The following UGT1A8 variants were observed in gnomAD, a reference collection of about 807,000 sequenced individuals.
The protein encoded by UGT1A8 is UDP-glucuronosyltransferase 1A8.
A neutral mutation model predicts 45.3 loss-of-function variants in UGT1A8; 39 were observed. That is an observed-to-expected ratio of 0.86 (90% CI 0.67 to 1.12). The LOEUF is 1.12. UGT1A8 is among the 50% of genes most tolerant of loss of function. The pLI, the probability that UGT1A8 is intolerant of heterozygous loss-of-function variation, is 0.00. For missense variants in UGT1A8, 719 were observed against 664.9 expected, an observed-to-expected ratio of 1.08 and a Z score of -0.90; for synonymous variants, 275 against 249.2, an observed-to-expected ratio of 1.10 and a Z score of -0.97.
intron 1 of UGT1A8, among the ~76,000 whole-genome samples, chr2:233,630,948 C>T (rs912773923): frequency 6.6e-6 from 1 of 151,422 alleles, no homozygotes; most frequent in Non-Finnish European, 1.5e-5. Flanking sequence ...ATTCCTTCAT[C>T]TACATTAGGT....
At chr2:233,638,285 GA>G (rs1379777626) in intron 1 of UGT1A8, among the ~76,000 whole-genome samples, 1 of 152,004 alleles carries the variant, frequency 6.6e-6, no homozygotes, top group Non-Finnish European at 1.5e-5. Flanking sequence ...TATTACTTTA[GA>G]AACTATTTTG....
intron 1 of UGT1A8, among the ~76,000 whole-genome samples, chr2:233,629,867 T>C (rs2073155619): frequency 6.6e-6 from 1 of 152,156 alleles, no homozygotes; most frequent in South Asian, 2.1e-4. Context: ...TTTGTGTCTT[T>C]AACAAAATGT....
chr2:233,752,703 T>C (rs538720487), intron 1 of UGT1A8, among the ~76,000 whole-genome samples: 5 of 152,298 alleles, frequency 3.3e-5, no homozygotes, highest in African/African-American at 7.2e-5. Context: ...TAGTGGGGTA[T>C]GATCTTGCCT....
At chr2:233,739,373 G>T (rs1209050153) in intron 1 of UGT1A8, among the ~76,000 whole-genome samples, 1 of 152,200 alleles carries the variant, frequency 6.6e-6, no homozygotes, top group Non-Finnish European at 1.5e-5. Flanking sequence ...CTTGCACTGT[G>T]TGCCTGGAAG....
chr2:233,691,024 G>A (rs2075025433), intron 1 of UGT1A8: 1 of 991,326 alleles, frequency 1.0e-6, no homozygotes, highest in African/African-American at 1.7e-5. Flanking sequence ...TGGTTGGAAG[G>A]GCTCAGACCA....
chr2:233,660,656 C>T (rs1033500872), intron 1 of UGT1A8, among the ~76,000 whole-genome samples: 2 of 152,130 alleles, frequency 1.3e-5, no homozygotes, highest in African/African-American at 4.8e-5. Flanking sequence ...ACTGTATTTG[C>T]ATAAGACGAC....
rs1173929998 is a variant in UGT1A8, at chr2:233,772,412, G to A, written c.1446G>A (p.Gln482=). The change falls in exon 5 of 5, where the codon CAG becomes CAA. Residue 482 remains glutamine (Q), a synonymous_variant. Transcript: ENST00000373450. The part of the protein sequence containing the change: ...RPAAHDLTWY[Q]YHSLDVIGFL... Reference sequence around the variant, plus strand: ...CAGCCCACGACCTCACCTGGTACCAGTACCATTCCTTGGACGTGATTGGTT... The same window carrying A: ...CAGCCCACGACCTCACCTGGTACCAATACCATTCCTTGGACGTGATTGGTT... 3 of 1,614,244 alleles carry A rather than the reference G, an allele frequency of 1.9e-6. No individual in the cohort carries two copies. The highest frequency in any genetic ancestry group is 1.7e-5 in the Admixed American group (1 of 60,028).
intron 4 of UGT1A8, among the ~76,000 whole-genome samples, chr2:233,771,796 C>G (rs373628815): frequency 4.6e-5 from 7 of 151,828 alleles, no homozygotes; most frequent in African/African-American, 1.7e-4. Flanking sequence ...CCCTCCCTCC[C>G]TCCCTCCCTT....
At chr2:233,623,278 TTGA>T (rs2073041178) in intron 1 of UGT1A8, among the ~76,000 whole-genome samples, 1 of 152,218 alleles carries the variant, frequency 6.6e-6, no homozygotes, top group African/African-American at 2.4e-5. Flanking sequence ...CAATGGTGGC[TTGA>T]TGGGGATAGC....
At chr2:233,636,406 T>TTA in intron 1 of UGT1A8, 10 of 1,447,740 alleles carry the variant, frequency 6.9e-6, no homozygotes, top group Non-Finnish European at 8.2e-6. Context: ...TTTTTTTTTT[T>TTA]ATGAAAGGAT....
intron 1 of UGT1A8, chr2:233,756,091 C>T (rs1221587010): frequency 6.6e-6 from 1 of 152,178 alleles, no homozygotes; most frequent in Non-Finnish European, 1.5e-5. Flanking sequence ...AATCAAGTAA[C>T]ATTATTACGG....
chr2:233,747,406 T>C (rs111706856), intron 1 of UGT1A8: 83,939 of 1,606,544 alleles, frequency 0.052, 2,713 homozygotes, highest in Non-Finnish European at 0.063. Flanking sequence ...ACCCCAGAGG[T>C]GAATATGCAC....
At chr2:233,699,371 A>G (rs2075501772) in intron 1 of UGT1A8, among the ~76,000 whole-genome samples, 2 of 152,194 alleles carry the variant, frequency 1.3e-5, no homozygotes, top group South Asian at 4.1e-4. Flanking sequence ...TGGTATGGCT[A>G]GATTTCAAAT....
intron 1 of UGT1A8, among the ~76,000 whole-genome samples, chr2:233,722,976 C>T (rs1378643600): frequency 1.4e-5 from 2 of 146,460 alleles, no homozygotes; most frequent in Non-Finnish European, 3.0e-5. Context: ...AGGGATTGGT[C>T]CTGCTGTCTC....
At chr2:233,720,819 C>T (rs2076894500) in intron 1 of UGT1A8, among the ~76,000 whole-genome samples, 2 of 151,784 alleles carry the variant, frequency 1.3e-5, no homozygotes, top group African/African-American at 4.8e-5. Flanking sequence ...AATTCTCCCA[C>T]CTCAGTCTCC....
chr2:233,639,398 A>G (rs2073387964), intron 1 of UGT1A8, among the ~76,000 whole-genome samples: 1 of 152,242 alleles, frequency 6.6e-6, no homozygotes, highest in Non-Finnish European at 1.5e-5. Flanking sequence ...ATATGGCCCA[A>G]CCACAAAAGT....
At chr2:233,666,273 C>T (rs2074074104) in intron 1 of UGT1A8, among the ~76,000 whole-genome samples, 1 of 152,234 alleles carries the variant, frequency 6.6e-6, no homozygotes, top group African/African-American at 2.4e-5. Context: ...TCCACTCAAA[C>T]ACCTCCTGCT....
At chr2:233,668,213 AC>A (rs1173353747) in intron 1 of UGT1A8, among the ~76,000 whole-genome samples, 1 of 150,566 alleles carries the variant, frequency 6.6e-6, no homozygotes, top group Non-Finnish European at 1.5e-5. Context: ...CCATACCCCC[AC>A]CTCTCGACAG....
chr2:233,690,018 T>C (rs1667000994), intron 1 of UGT1A8: 1 of 438,514 alleles, frequency 2.3e-6, no homozygotes. Context: ...ATTTTGGACC[T>C]TCCTCAAGAT....
Sources: allele counts gnomAD v4.1 joint callset (sites outside exome capture counted in the v4.1 genomes callset), GRCh38; gene constraint gnomAD v4.1.1; transcripts MANE v1.5; gene names NCBI Gene and HGNC (gene_info 2026-07-23, HGNC 2026-07-21).